The following DMBT1 variants were observed in gnomAD, a reference collection of about 807,000 sequenced individuals.
The protein encoded by DMBT1 is scavenger receptor cysteine-rich domain-containing protein DMBT1.
A neutral mutation model predicts 252.9 loss-of-function variants in DMBT1; 198 were observed. That is an observed-to-expected ratio of 0.78 (90% CI 0.70 to 0.88). The LOEUF (loss-of-function observed/expected upper bound fraction) is 0.88, where lower values mean the gene tolerates loss of function less well. DMBT1 is among the 40% of genes least tolerant of loss of function. The probability of loss-of-function intolerance (pLI) is 0.00; values close to 1 mark genes in which losing one functional copy is unlikely to be tolerated. For synonymous variants in DMBT1, 990 were observed against 942.7 expected, an observed-to-expected ratio of 1.05 and a Z score of -0.92; for missense variants, 2,432 against 2,404.7, an observed-to-expected ratio of 1.01 and a Z score of -0.24.
chr10:122,591,212 C>T (rs2133584673), intron 18 of DMBT1, among the ~76,000 whole-genome samples: 1 of 148,926 alleles, frequency 6.7e-6, no homozygotes, highest in Middle Eastern at 3.4e-3. Context: ...GTCCATGTGT[C>T]AGTGGATGGG....
intron 52 of DMBT1, among the ~76,000 whole-genome samples, chr10:122,634,344 C>CTTTCTT: frequency 1.7e-5 from 1 of 58,998 alleles, no homozygotes; most frequent in Non-Finnish European, 3.5e-5. Context: ...AAGCACTTTT[C>CTTTCTT]TTTCTTTCTT....
Position 122,630,383 on chromosome 10 carries a change from C to G in DMBT1, c.5918C>G (p.Thr1973Ser). Residue 1973 changes from threonine (T) to serine (S), a missense_variant, in exon 48 of 56, where the codon ACC (threonine) becomes AGC (serine). This residue lies in a region of DMBT1 where 1,162 missense variants were observed against 1,169.0 expected (regional missense o/e 0.99). Transcript: ENST00000338354. ...SLLLGKICND[T>S]RQIFTSSYNR... ...CTGCTGGGGAAAATCTGTAATGATA[C>G]CAGGCAAATATTTACATCTTCTTAC... 6.2e-7 allele frequency: 1 copy of G among 1,613,860 alleles called. No individual in the cohort carries two copies. The highest frequency in any genetic ancestry group is 8.5e-7 in the Non-Finnish European group (1 of 1,179,828).
At chr10:122,566,117 C>A in intron 2 of DMBT1, 121 bp downstream of exon 2, 1 of 994,522 alleles carries the variant, frequency 1.0e-6, no homozygotes, top group African/African-American at 1.6e-5. Flanking sequence ...TTGTCGAATG[C>A]AGGAATGCCG....
At chr10:122,628,906 G>A (rs1273275112) in intron 46 of DMBT1, among the ~76,000 whole-genome samples, 1 of 151,976 alleles carries the variant, frequency 6.6e-6, no homozygotes, top group Non-Finnish European at 1.5e-5. Context: ...ATTGACTGTG[G>A]TGATTTCAGA....
intron 25 of DMBT1, among the ~76,000 whole-genome samples, chr10:122,598,316 C>G (rs904406979): frequency 6.6e-6 from 1 of 152,190 alleles, no homozygotes. Context: ...TCCTGTCCCT[C>G]AGCCCATGGG....
At position 122,631,044 on chromosome 10, in the gene DMBT1, G is replaced by A; in HGVS notation, c.6109G>A (p.Gly2037Arg). 6.2e-7 allele frequency: 1 copy of A among 1,613,774 alleles called. No individual in the cohort carries two copies. The highest frequency in any genetic ancestry group is 8.5e-7 in the Non-Finnish European group (1 of 1,179,706). The change falls in exon 49 of 56, where the codon GGG becomes AGG. Residue 2037 changes from glycine (G) to arginine (R), a missense_variant. This residue lies in a region of DMBT1 where 1,162 missense variants were observed against 1,169.0 expected (regional missense o/e 0.99). Coordinates refer to ENST00000338354, the MANE Select transcript of DMBT1 (RefSeq NM_001377530.1). Reference protein sequence around the residue: ...RVEIYHGGTWGTVCDDSWTIQ... With the variant: ...RVEIYHGGTWRTVCDDSWTIQ... ...AGAAATTTACCATGGTGGCACCTGG[G>A]GGACAGTTTGTGATGACTCCTGGAC...
intron 9 of DMBT1, among the ~76,000 whole-genome samples, chr10:122,579,282 A>G (rs1489914918): frequency 1.3e-5 from 2 of 152,142 alleles, no homozygotes; most frequent in African/African-American, 4.8e-5. Flanking sequence ...TGGGCCTGCC[A>G]TCTGGAGCTG....
intron 11 of DMBT1, 130 bp downstream of exon 11, chr10:122,581,025 G>A (rs574088472): frequency 6.4e-5 from 93 of 1,453,246 alleles, no homozygotes; most frequent in Middle Eastern, 1.8e-4. Context: ...CCCCAACACC[G>A]GCTGTGTAAC....
chr10:122,577,808 C>T lies in DMBT1; in HGVS notation c.608-3C>T, dbSNP rs761182515. On this transcript the variant is annotated splice_polypyrimidine_tract_variant and splice_region_variant and intron_variant, in intron 7 of 55. Coordinates refer to ENST00000338354, the MANE Select transcript of DMBT1 (RefSeq NM_001377530.1). ...GTCTAATGTTGCTATTTTTTTCTCA[C>T]AGCTGCCCAGCCTCAGTCAACACTC... is the stretch of plus-strand genomic sequence containing the variant. The T allele has an allele frequency of 2.7e-5, 44 of 1,613,488 alleles. No homozygotes were observed. The highest frequency in any genetic ancestry group is 3.6e-5 in the Non-Finnish European group (42 of 1,179,710).
intron 54 of DMBT1, among the ~76,000 whole-genome samples, chr10:122,637,825 G>T (rs1843739067): frequency 6.6e-6 from 1 of 152,208 alleles, no homozygotes; most frequent in East Asian, 1.9e-4. Context: ...AGCTTCATTA[G>T]CTCCATAGTC....
rs1235892656 is a variant in DMBT1, at chr10:122,630,978, G to A, written c.6043G>A (p.Val2015Ile). The stretch of plus-strand genomic sequence containing the variant: ...TCTTTCAGATGCCACCTTGAGGTTG[G>A]TCAATTTAAATTCATCCTATGGTCT... Reference protein sequence around the residue: ...SFPSDATLRLVNLNSSYGLCA... With the variant: ...SFPSDATLRLINLNSSYGLCA... Residue 2015 changes from valine to isoleucine, a missense_variant, in exon 49 of 56, where the codon GTC (valine) becomes ATC (isoleucine). Val to Ile is a conservative substitution (Grantham distance 29, BLOSUM62 3). Transcript: ENST00000338354. The A allele has an allele frequency of 1.2e-6, 2 of 1,601,596 alleles. No homozygotes were observed. The highest frequency in any genetic ancestry group is 3.3e-5 in the Admixed American group (2 of 59,800).
rs532637691 is a variant in DMBT1 at position 122,633,313 on chromosome 10, C to A, written c.6520C>A (p.Arg2174Ser). 6.2e-7 allele frequency: 1 copy of A among 1,613,826 alleles called. No individual in the cohort carries two copies. Among genetic ancestry groups the A allele is most frequent in the African/African-American group, 1.3e-5 (1 of 74,914 alleles). Residue 2174 changes from arginine (R) to serine (S), a missense_variant, in exon 52 of 56, where the codon CGT becomes AGT. This residue lies in a region of DMBT1 where 1,162 missense variants were observed against 1,169.0 expected (regional missense o/e 0.99). Coordinates refer to ENST00000338354, the MANE Select transcript of DMBT1 (RefSeq NM_001377530.1). ...GGACATTGAGGTGCAAAACAACTAC[C>A]GTGTGACTGTGATCTTCAGAGATGT... ...VWDIEVQNNYRVTVIFRDVQL... is the reference protein window; with the variant it reads ...VWDIEVQNNYSVTVIFRDVQL...
chr10:122,625,482 C>G (rs1214809337), intron 45 of DMBT1, among the ~76,000 whole-genome samples, 179 bp downstream of exon 45: 1 of 152,188 alleles, frequency 6.6e-6, no homozygotes, highest in Non-Finnish European at 1.5e-5. Context: ...ATGTCTGGTT[C>G]ACCGTGGAGG....
In DMBT1 at chr10:122,636,121, C is replaced by T. The variant is rs745621942; in HGVS notation, c.6679C>T (p.Arg2227Cys). 3.7e-5 allele frequency: 59 copies of T among 1,613,876 alleles called. No homozygotes were observed. In the East Asian group the frequency reaches 4.7e-4, roughly 13 times the overall value. Residue 2227 changes from arginine to cysteine, a missense_variant, in exon 53 of 56, where the codon CGC (arginine) becomes TGC (cysteine). By Grantham distance (180) the Arg-to-Cys change is radical. Coordinates refer to ENST00000338354, the MANE Select transcript of DMBT1 (RefSeq NM_001377530.1). ...TTCTTCCTCCAACTTCATGTCCATTCGCTTCATCAGTGACCACAGCATCAC... is the reference window on the plus strand; with the variant it reads ...TTCTTCCTCCAACTTCATGTCCATTTGCTTCATCAGTGACCACAGCATCAC... ...FTSSSNFMSI[R>C]FISDHSITRR...
chr10:122,639,267 C>T (rs1012662865), intron 54 of DMBT1, among the ~76,000 whole-genome samples: 3 of 152,214 alleles, frequency 2.0e-5, no homozygotes, highest in African/African-American at 7.2e-5. Context: ...ATGGAAAGCA[C>T]TTGAGAGCAT....
chr10:122,569,533 C>T (rs3013234), intron 2 of DMBT1, among the ~76,000 whole-genome samples: 104,507 of 152,028 alleles, frequency 0.69, 36,129 homozygotes, highest in East Asian at 0.77. Context: ...TGTCCCATGG[C>T]GTGTTCCCCA....
At position 122,640,469 on chromosome 10, in the gene DMBT1, G is replaced by A. The variant is rs2261660; in HGVS notation, c.7352+20G>A. ...GAGTGGGTAAGGAGTGTCTTTATGC[G>A]ATGGCCTTAAACCTTTACTTGATAA... is the stretch of plus-strand genomic sequence containing the variant. On this transcript the variant is annotated intron_variant, in intron 55 of 55. Transcript: ENST00000338354. 3.1e-6 allele frequency: 5 copies of A among 1,594,664 alleles called. No individual in the cohort carries two copies. Among genetic ancestry groups the A allele is most frequent in the South Asian group, 1.1e-5 (1 of 89,236 alleles).
chr10:122,562,181 CTCTTT>C (rs1366418643), intron 1 of DMBT1, among the ~76,000 whole-genome samples: 6 of 151,702 alleles, frequency 4.0e-5, no homozygotes, highest in Non-Finnish European at 8.8e-5. Flanking sequence ...CTTCCTTCTT[CTCTTT>C]TATCTTTCCT....
rs1182517659 is a variant in DMBT1, at chr10:122,598,011, A to T, written c.2955A>T (p.Val985=). ...CCATCACCTTGCCTGCATCGACAGT[A>T]GGTAAATATTCCTCTCGCCCCTCCC... is the stretch of plus-strand genomic sequence containing the variant. ...LPTITLPAST[V]GSESSLALRL... The change falls in exon 25 of 56, where the codon GTA becomes GTT. Residue 985 remains valine, a splice_region_variant and synonymous_variant. Coordinates refer to ENST00000338354, the MANE Select transcript of DMBT1 (RefSeq NM_001377530.1). The T allele has an allele frequency of 6.2e-7, 1 of 1,613,796 alleles. No individual in the cohort carries two copies. Among genetic ancestry groups the T allele is most frequent in the African/African-American group, 1.3e-5 (1 of 74,896 alleles).
Sources: allele counts gnomAD v4.1 joint callset (sites outside exome capture counted in the v4.1 genomes callset), GRCh38; gene constraint gnomAD v4.1.1; regional missense constraint gnomAD v4.1.1; transcripts MANE v1.5; gene names NCBI Gene and HGNC (gene_info 2026-07-23, HGNC 2026-07-21).